Variants in SHROOM3 observed in about 807,000 individuals in gnomAD.
The protein encoded by SHROOM3 is protein Shroom3.
In SHROOM3, 47 loss-of-function variants were observed where a neutral mutation model predicts 138.6. The ratio of observed to expected loss-of-function variants is 0.34; its 90% CI spans 0.27 to 0.43. The LOEUF (loss-of-function observed/expected upper bound fraction) is 0.43, where lower values mean the gene tolerates loss of function less well. Among genes scored for constraint, SHROOM3 ranks in the 20% least tolerant of loss-of-function variants. SHROOM3 has a pLI of 1.00. For missense variants in SHROOM3, 2,491 were observed against 2,596.5 expected (o/e 0.96, Z 0.88); for synonymous variants, 1,062 against 1,063.3 (o/e 1.00, Z 0.02).
intron 2 of SHROOM3, among the ~76,000 whole-genome samples, chr4:76,632,394 T>C (rs977895848): frequency 2.6e-5 from 4 of 151,848 alleles, no homozygotes; most frequent in Admixed American, 6.6e-5. Context: ...AAACAGTGAG[T>C]TGGGGACAAG....
At chr4:76,611,252 G>C (rs767483591) in intron 2 of SHROOM3, among the ~76,000 whole-genome samples, 6 of 149,432 alleles carry the variant, frequency 4.0e-5, no homozygotes, top group African/African-American at 7.4e-5. Context: ...CTCTCTCTGT[G>C]TCTCTCTCTC....
At chr4:76,520,479 T>G (rs1732540031) in intron 1 of SHROOM3, among the ~76,000 whole-genome samples, 1 of 152,098 alleles carries the variant, frequency 6.6e-6, no homozygotes, top group African/African-American at 2.4e-5. Context: ...TTATCCCCAT[T>G]TTACAGATAA....
At position 76,781,083 on chromosome 4, in the gene SHROOM3, G is replaced by A. The variant is rs954668225; in HGVS notation, c.*1906G>A. 1 of 152,182 alleles carries A rather than the reference G, an allele frequency of 6.6e-6. No individual in the cohort carries two copies. The highest frequency in any genetic ancestry group is 1.5e-5 in the Non-Finnish European group (1 of 68,036). 9.4% of individuals were successfully genotyped at this position (152,182 alleles called of 1,614,324 possible). On this transcript the variant is annotated 3_prime_UTR_variant, in exon 11 of 11. Coordinates refer to ENST00000296043, the MANE Select transcript of SHROOM3 (RefSeq NM_020859.4). ...ACTCTTCGAGATGACCATTTTTCGG[G>A]ATTTGACTGGGGAACATTTTACATA...
intron 6 of SHROOM3, among the ~76,000 whole-genome samples, chr4:76,752,140 A>G (rs1230163759): frequency 1.3e-5 from 2 of 152,352 alleles, no homozygotes; most frequent in South Asian, 2.1e-4. Flanking sequence ...CTCAGCCTTA[A>G]AAAGGAAATT....
chr4:76,703,949 G>T (rs192016391), intron 2 of SHROOM3, among the ~76,000 whole-genome samples: 5 of 152,292 alleles, frequency 3.3e-5, no homozygotes, highest in Non-Finnish European at 1.5e-5. Flanking sequence ...TGTCGAAGGG[G>T]CTCTGCCACA....
At chr4:76,478,753 C>A (rs1731542238) in intron 1 of SHROOM3, among the ~76,000 whole-genome samples, 1 of 152,116 alleles carries the variant, frequency 6.6e-6, no homozygotes, top group Non-Finnish European at 1.5e-5. Flanking sequence ...TGACAGGTGC[C>A]CCTCTGGGAT....
chr4:76,475,133 A>T lies in SHROOM3; in HGVS notation c.168+38913A>T, dbSNP rs372056991. On this transcript the variant is annotated intron_variant, in intron 1 of 10. Coordinates refer to ENST00000296043, the MANE Select transcript of SHROOM3 (RefSeq NM_020859.4). ...ATTTTTCAAAGGACTGGATCATATTAGCCTGGTAAATTGAATTATATGTCG... is the reference window on the plus strand; with the variant it reads ...ATTTTTCAAAGGACTGGATCATATTTGCCTGGTAAATTGAATTATATGTCG... Among the ~76,000 whole-genome samples the T allele has an allele frequency of 4.6e-5, 7 of 152,302 alleles. No homozygotes were observed. In the South Asian group the frequency reaches 8.3e-4, roughly 18 times the overall value.
At chr4:76,702,987 GA>G (rs2110113639) in intron 2 of SHROOM3, among the ~76,000 whole-genome samples, 1 of 152,296 alleles carries the variant, frequency 6.6e-6, no homozygotes, top group South Asian at 2.1e-4. Context: ...GAAAGAGTCA[GA>G]AATATGCTGA....
intron 2 of SHROOM3, among the ~76,000 whole-genome samples, chr4:76,626,100 T>C (rs1346323598): frequency 1.3e-5 from 2 of 152,216 alleles, no homozygotes; most frequent in African/African-American, 4.8e-5. Context: ...TAGCATTATA[T>C]AGATTTAAAA....
intron 3 of SHROOM3, among the ~76,000 whole-genome samples, chr4:76,721,237 G>A (rs1720543275): frequency 6.6e-6 from 1 of 151,472 alleles, no homozygotes; most frequent in Non-Finnish European, 1.5e-5. Context: ...CGTGAACCCG[G>A]GAGGCGGAGC....
intron 1 of SHROOM3, among the ~76,000 whole-genome samples, chr4:76,462,794 C>T (rs929382356): frequency 2.0e-5 from 3 of 151,766 alleles, no homozygotes; most frequent in African/African-American, 7.3e-5. Flanking sequence ...CATGGTAAGA[C>T]ATGCTTGCTT....
chr4:76,560,788 T>C (rs1247228474), intron 2 of SHROOM3, among the ~76,000 whole-genome samples: 3 of 152,186 alleles, frequency 2.0e-5, no homozygotes, highest in East Asian at 1.9e-4. Context: ...GAGATAGCGG[T>C]GTCCAGCACT....
chr4:76,663,526 A>G (rs1003495485), intron 2 of SHROOM3, among the ~76,000 whole-genome samples: 18 of 152,134 alleles, frequency 1.2e-4, no homozygotes, highest in South Asian at 2.1e-4. Flanking sequence ...AAGAAGCCCA[A>G]TCTCTCGTGA....
At chr4:76,531,109 TA>T (rs1732820565) in intron 1 of SHROOM3, among the ~76,000 whole-genome samples, 1 of 152,122 alleles carries the variant, frequency 6.6e-6, no homozygotes, top group Admixed American at 6.5e-5. Flanking sequence ...TCTTACAGTA[TA>T]ACCAGTAAGA....
chr4:76,540,455 A>T (rs2079707172), intron 1 of SHROOM3, among the ~76,000 whole-genome samples: 1 of 152,204 alleles, frequency 6.6e-6, no homozygotes, highest in African/African-American at 2.4e-5. Context: ...AAGTCTAAAC[A>T]CGTAGGGGAA....
chr4:76,590,748 G>C (rs1734255850), intron 2 of SHROOM3, among the ~76,000 whole-genome samples: 1 of 151,932 alleles, frequency 6.6e-6, no homozygotes, highest in Non-Finnish European at 1.5e-5. Flanking sequence ...AAGAATGGAG[G>C]TGAAAACAAG....
At chr4:76,633,048 A>T (rs1451247185) in intron 2 of SHROOM3, among the ~76,000 whole-genome samples, 1 of 152,192 alleles carries the variant, frequency 6.6e-6, no homozygotes, top group African/African-American at 2.4e-5. Flanking sequence ...TCACACGACT[A>T]TTCTAAACTC....
intron 1 of SHROOM3, among the ~76,000 whole-genome samples, chr4:76,482,499 TAA>T (rs1418317087): frequency 6.6e-6 from 1 of 151,670 alleles, no homozygotes; most frequent in Admixed American, 6.6e-5. Flanking sequence ...CTCAAGGAAA[TAA>T]GAGAGGACAA....
intron 3 of SHROOM3, among the ~76,000 whole-genome samples, chr4:76,730,197 G>T (rs1720832412): frequency 6.6e-6 from 1 of 152,234 alleles, no homozygotes; most frequent in South Asian, 2.1e-4. Flanking sequence ...ATGTTTAAAA[G>T]TTGAAGTCAT....
Sources: gnomAD v4.1 joint callset for allele counts (sites outside exome capture counted in the v4.1 genomes callset) on GRCh38, gnomAD v4.1.1 for gene constraint, MANE v1.5 for transcripts, NCBI Gene and HGNC (gene_info 2026-07-23, HGNC 2026-07-21) for gene names.